TEC: variants seen among roughly 807,000 people sequenced by gnomAD.
The protein encoded by TEC is tec protein tyrosine kinase.
In TEC, 72 loss-of-function variants were observed where a neutral mutation model predicts 93.0. The ratio of observed to expected loss-of-function variants is 0.77; its 90% CI spans 0.64 to 0.94. The LOEUF (loss-of-function observed/expected upper bound fraction) is 0.94. TEC is among the 40% of genes least tolerant of loss of function. The pLI, the probability that TEC is intolerant of heterozygous loss-of-function variation, is 0.00. For missense variants in TEC, 630 were observed against 757.9 expected, an observed-to-expected ratio of 0.83 and a Z score of 1.98; for synonymous variants, 249 against 247.7, an observed-to-expected ratio of 1.01 and a Z score of -0.05.
rs114820727 is a variant in TEC, at chr4:48,206,265, G to A, written c.138+22212C>T. On this transcript the variant is annotated intron_variant, in intron 2 of 17. Transcript: ENST00000381501. Reference sequence around the variant, plus strand: ...AACTAGATAGTGGTGATTTTTAAACGACATTATAAATGTACTTAATGTTAC... The same window carrying A: ...AACTAGATAGTGGTGATTTTTAAACAACATTATAAATGTACTTAATGTTAC... 5.5e-3 allele frequency among the ~76,000 whole-genome samples: 834 copies of A among 152,162 alleles called. 11 individuals are homozygous for A. The highest frequency in any genetic ancestry group is 0.019 in the African/African-American group (768 of 41,492).
intron 2 of TEC, among the ~76,000 whole-genome samples, chr4:48,207,812 A>G (rs1230826433): frequency 2.6e-5 from 4 of 152,046 alleles, no homozygotes; most frequent in African/African-American, 9.7e-5. Flanking sequence ...AAAATCCAGA[A>G]TTTAAGCATA....
chr4:48,196,084 T>A (rs1722291317), intron 2 of TEC, among the ~76,000 whole-genome samples: 1 of 152,204 alleles, frequency 6.6e-6, no homozygotes, highest in African/African-American at 2.4e-5. Context: ...ACTTTAGGTA[T>A]CAACTTGACT....
At chr4:48,182,187 A>C (rs1721617290) in intron 2 of TEC, among the ~76,000 whole-genome samples, 1 of 151,744 alleles carries the variant, frequency 6.6e-6, no homozygotes. Flanking sequence ...CTGGAGGCTG[A>C]GGCATGAGAA....
At chr4:48,155,323 G>T (rs555197436) in intron 9 of TEC, among the ~76,000 whole-genome samples, 59 of 152,312 alleles carry the variant, frequency 3.9e-4, no homozygotes, top group Non-Finnish European at 7.5e-4. Context: ...CAGTATAACT[G>T]CCCAAGCTCA....
rs148728522 is a variant in TEC, at chr4:48,167,780, A to G, written c.669T>C (p.Tyr223=). 11 of 1,613,512 alleles carry G rather than the reference A, an allele frequency of 6.8e-6. No individual in the cohort carries two copies. The African/African-American group carries it at 1.3e-4, about 20-fold the overall frequency. The change falls in exon 7 of 18, where the codon TAT becomes TAC. Residue 223 remains tyrosine (Y), a splice_region_variant and synonymous_variant. Transcript: ENST00000381501. ...DVHWWRARDK[Y]GNEGYIPSNY... ...ACACACATAGAGGGAATACTTACCC[A>G]TATTTATCTCTTGCTCTCCACCAAT...
chr4:48,141,519 A>G (rs1228055462), intron 14 of TEC, 100 bp from the exon 15 acceptor site: 3 of 1,194,546 alleles, frequency 2.5e-6, no homozygotes, highest in Non-Finnish European at 2.4e-6. Context: ...TAACCTAGTC[A>G]ACATTTGCAG....
At chr4:48,184,869 G>A (rs940792010) in intron 2 of TEC, among the ~76,000 whole-genome samples, 4 of 150,916 alleles carry the variant, frequency 2.7e-5, no homozygotes, top group South Asian at 2.1e-4. Flanking sequence ...TAGAACTTGC[G>A]GTCTTCAACA....
At position 48,261,370 on chromosome 4, in the gene TEC, C is replaced by A. The variant is rs916068762; in HGVS notation, c.-46+8382G>T. Among the ~76,000 whole-genome samples, 8 of 152,232 alleles carry A rather than the reference C, an allele frequency of 5.3e-5. No individual in the cohort carries two copies. The East Asian group carries it at 5.8e-4, about 11-fold the overall frequency. ...AAGAAATCAACTGCCTTCTACAAAT[C>A]AAAAATAACCCTAATAGTAAAAACT... On this transcript the variant is annotated intron_variant, in intron 1 of 17. Coordinates refer to ENST00000381501, the MANE Select transcript of TEC (RefSeq NM_003215.3).
chr4:48,139,463 A>G (rs1279251327), intron 15 of TEC, among the ~76,000 whole-genome samples: 1 of 152,232 alleles, frequency 6.6e-6, no homozygotes, highest in African/African-American at 2.4e-5. Context: ...AATTCCACAG[A>G]GCACAATTTA....
intron 2 of TEC, among the ~76,000 whole-genome samples, chr4:48,197,634 G>A (rs1351420039): frequency 6.6e-6 from 1 of 152,140 alleles, no homozygotes; most frequent in Non-Finnish European, 1.5e-5. Context: ...TGAGGCTGAG[G>A]GAAAGCTGTA....
intron 17 of TEC, 40 bp downstream of exon 17, chr4:48,138,625 C>A: frequency 6.4e-7 from 1 of 1,571,414 alleles, no homozygotes. Context: ...AAGCCCAATC[C>A]CTAAGAGATT....
intron 1 of TEC, among the ~76,000 whole-genome samples, chr4:48,254,519 G>C (rs970389167): frequency 1.3e-5 from 2 of 152,158 alleles, no homozygotes; most frequent in Non-Finnish European, 2.9e-5. Flanking sequence ...AAGAATGGAA[G>C]TTCAAAATCA....
chr4:48,191,420 T>G (rs1722089259), intron 2 of TEC, among the ~76,000 whole-genome samples: 1 of 152,202 alleles, frequency 6.6e-6, no homozygotes, highest in Non-Finnish European at 1.5e-5. Flanking sequence ...AATATTTCAC[T>G]GGCATTTACA....
chr4:48,219,420 G>A (rs947854336), intron 2 of TEC, among the ~76,000 whole-genome samples: 2 of 152,204 alleles, frequency 1.3e-5, no homozygotes, highest in Admixed American at 6.5e-5. Flanking sequence ...GCAGTCATCC[G>A]GAGGCCTAAA....
intron 1 of TEC, among the ~76,000 whole-genome samples, chr4:48,236,816 A>G (rs559420503): frequency 3.9e-5 from 6 of 152,320 alleles, no homozygotes; most frequent in African/African-American, 1.4e-4. Flanking sequence ...CAGCGTTGCA[A>G]ATCTGAATAT....
intron 1 of TEC, among the ~76,000 whole-genome samples, chr4:48,243,750 A>C (rs1723980388): frequency 6.6e-6 from 1 of 152,112 alleles, no homozygotes; most frequent in African/African-American, 2.4e-5. Flanking sequence ...GATCACTCTT[A>C]GGTGGGAATT....
At chr4:48,191,020 A>G (rs1722075529) in intron 2 of TEC, among the ~76,000 whole-genome samples, 1 of 152,248 alleles carries the variant, frequency 6.6e-6, no homozygotes, top group African/African-American at 2.4e-5. Flanking sequence ...TCAATATGAC[A>G]TAATGATTGA....
intron 2 of TEC, among the ~76,000 whole-genome samples, chr4:48,186,875 G>A (rs1031665109): frequency 4.0e-5 from 6 of 150,578 alleles, no homozygotes; most frequent in Admixed American, 6.6e-5. Context: ...CTGCCCGGCC[G>A]CCCCGTCTGG....
intron 11 of TEC, 72 bp downstream of exon 11, chr4:48,149,485 G>T: frequency 1.4e-6 from 2 of 1,398,272 alleles, no homozygotes; most frequent in South Asian, 1.6e-5. Context: ...AACTGCTCAA[G>T]GAATTAATCA....
Sources: gnomAD v4.1 joint callset for allele counts (sites outside exome capture counted in the v4.1 genomes callset) on GRCh38, gnomAD v4.1.1 for gene constraint, MANE v1.5 for transcripts, NCBI Gene and HGNC (gene_info 2026-07-23, HGNC 2026-07-21) for gene names.